CASP8: variants seen among roughly 807,000 people sequenced by gnomAD.
CASP8 encodes caspase 8, also known as caspase-8.
In CASP8, 24 loss-of-function variants were observed where a neutral mutation model predicts 46.3. The observed-to-expected ratio is 0.52, with a 90% CI of 0.38 to 0.73. The LOEUF is 0.73. Ranked by LOEUF, CASP8 falls within the 30% of genes least tolerant of loss-of-function variation. The probability of loss-of-function intolerance (pLI) is 0.00; values close to 1 mark genes in which losing one functional copy is unlikely to be tolerated. For synonymous variants in CASP8, 188 were observed against 200.4 expected (o/e 0.94, Z 0.52); for missense variants, 460 against 559.0 (o/e 0.82, Z 1.79).
chr2:201,284,790 G>T, intron 7 of CASP8, 26 bp from the exon 8 acceptor site: 1 of 1,602,442 alleles, frequency 6.2e-7, no homozygotes, highest in Non-Finnish European at 8.5e-7. Context: ...GTGGTATAAC[G>T]TGACTGTTCA....
At position 201,287,187 on chromosome 2, in the gene CASP8, CTAT is replaced by C. The variant is rs1181549507; in HGVS notation, c.*596_*598del. 4 of 155,610 alleles carry C rather than the reference CTAT, an allele frequency of 2.6e-5. No homozygotes were observed. The highest frequency in any genetic ancestry group is 5.8e-5 in the Non-Finnish European group (4 of 69,280). The allele number at this position is 155,610 out of a possible 1,614,324, so 9.6% of individuals were successfully genotyped here. ...CAACTATAAGCCCACTGTTAATATT[CTAT>C]TAACTTTAATTCTCTTTCAAAGCTA... On this transcript the variant is annotated 3_prime_UTR_variant, in exon 9 of 9. Transcript: ENST00000673742.
At position 201,266,527 on chromosome 2, in the gene CASP8, T is replaced by A; in HGVS notation, c.41T>A (p.Leu14Gln). 1 of 1,614,172 alleles carries A rather than the reference T, an allele frequency of 6.2e-7. No homozygotes were observed. Among genetic ancestry groups the A allele is most frequent in the Non-Finnish European group, 8.5e-7 (1 of 1,179,972 alleles). The change falls in exon 2 of 9, where the codon CTG becomes CAG. Residue 14 changes from leucine (L) to glutamine (Q), a missense_variant. Coordinates refer to ENST00000673742, the MANE Select transcript of CASP8 (RefSeq NM_001372051.1). The surrounding 1 kb of genome is among the most constrained non-coding windows in gnomAD (Gnocchi z 5.7). ...AATCTTTATGATATTGGGGAACAAC[T>A]GGACAGTGAAGATCTGGCCTCCCTC... Reference protein sequence around the residue: ...SRNLYDIGEQLDSEDLASLKF... With the variant: ...SRNLYDIGEQQDSEDLASLKF...
chr2:201,256,518 C>CT (rs1411675195), upstream of CASP8, among the ~76,000 whole-genome samples: 1 of 152,260 alleles, frequency 6.6e-6, no homozygotes, highest in East Asian at 1.9e-4. Context: ...CAAGGACCTT[C>CT]TGCCCTTTAT....
chr2:201,233,799 A>G (rs1945923729), intron 1 of CASP8, among the ~76,000 whole-genome samples: 1 of 152,196 alleles, frequency 6.6e-6, no homozygotes, highest in South Asian at 2.1e-4. Flanking sequence ...ACTGAAGTCT[A>G]GGCTGGTTCC....
At chr2:201,267,377 A>G (rs931151316) in intron 2 of CASP8, among the ~76,000 whole-genome samples, 1 of 152,110 alleles carries the variant, frequency 6.6e-6, no homozygotes, top group African/African-American at 2.4e-5. Flanking sequence ...TGCCACACTT[A>G]AAGACTCGAA....
upstream of CASP8, chr2:201,258,386 A>T (rs1405713584): frequency 6.2e-7 from 1 of 1,613,880 alleles, no homozygotes; most frequent in Admixed American, 1.7e-5. Flanking sequence ...GGAGCGGGTG[A>T]GTGCCTGTTG....
At chr2:201,259,977 GT>G (rs546171439), upstream of CASP8, among the ~76,000 whole-genome samples, 2,884 of 136,328 alleles carry the variant, frequency 0.021, 37 homozygotes, top group African/African-American at 0.032. Context: ...TCTTTTTAGA[GT>G]TTTTTTTTTT....
chr2:201,265,493 G>A (rs535525196), intron 1 of CASP8, among the ~76,000 whole-genome samples: 3 of 152,280 alleles, frequency 2.0e-5, no homozygotes, highest in African/African-American at 7.2e-5. Flanking sequence ...ATTGATGGTG[G>A]GGTTGAATGG....
chr2:201,281,049 C>T (rs550583983), intron 7 of CASP8, among the ~76,000 whole-genome samples: 4 of 152,268 alleles, frequency 2.6e-5, no homozygotes, highest in African/African-American at 4.8e-5. Flanking sequence ...GGTGGTGGCT[C>T]ATGCCTACAA....
intron 8 of CASP8, among the ~76,000 whole-genome samples, chr2:201,285,575 G>A (rs1949519648): frequency 6.6e-6 from 1 of 152,210 alleles, no homozygotes; most frequent in African/African-American, 2.4e-5. Context: ...TTTATAGATG[G>A]AAAAGCTGAG....
chr2:201,237,391 C>A (rs1016541299), intron 2 of CASP8, among the ~76,000 whole-genome samples: 1 of 148,284 alleles, frequency 6.7e-6, no homozygotes, highest in Admixed American at 6.7e-5. Flanking sequence ...TTGTCCAGAC[C>A]CTTTTCTCTA....
chr2:201,240,632 G>A (rs1355530602), intron 2 of CASP8: 1 of 152,170 alleles, frequency 6.6e-6, no homozygotes, highest in African/African-American at 2.4e-5. Flanking sequence ...TCAGACAGAA[G>A]ATTAATAAGG....
intron 2 of CASP8, among the ~76,000 whole-genome samples, chr2:201,247,835 A>G (rs779366720): frequency 5.9e-5 from 9 of 152,092 alleles, no homozygotes; most frequent in South Asian, 2.1e-4. Flanking sequence ...TAGTGGAGAC[A>G]GCGTTTCACT....
intron 1 of CASP8, among the ~76,000 whole-genome samples, chr2:201,263,421 C>T (rs947922807): frequency 1.3e-5 from 2 of 152,052 alleles, no homozygotes; most frequent in Admixed American, 1.3e-4. Flanking sequence ...ACTTACAATA[C>T]AAGATGTACT....
At chr2:201,256,124 C>A (rs1352509523), upstream of CASP8, among the ~76,000 whole-genome samples, 3 of 152,232 alleles carry the variant, frequency 2.0e-5, no homozygotes, top group Non-Finnish European at 2.9e-5. Flanking sequence ...TTATCTCCCA[C>A]AGTTTTGCTC....
At chr2:201,260,346 C>T (rs1462678790), upstream of CASP8, among the ~76,000 whole-genome samples, 2 of 152,204 alleles carry the variant, frequency 1.3e-5, no homozygotes, top group African/African-American at 2.4e-5. Context: ...GGCCAGTGCT[C>T]AGGTGGCCAG....
chr2:201,258,959 A>G (rs1436471614), upstream of CASP8, among the ~76,000 whole-genome samples: 1 of 150,194 alleles, frequency 6.7e-6, no homozygotes. Flanking sequence ...TTTCTTTTGT[A>G]TGTGTACACT....
At chr2:201,283,339 C>T (rs1949267030) in intron 7 of CASP8, among the ~76,000 whole-genome samples, 1 of 70,180 alleles carries the variant, frequency 1.4e-5, no homozygotes, top group African/African-American at 5.2e-5. Context: ...CCAGTAGGGG[C>T]GGCCGGGCAG....
intron 7 of CASP8, among the ~76,000 whole-genome samples, chr2:201,283,595 C>G (rs376810186): frequency 1.8e-5 from 1 of 55,804 alleles, no homozygotes; most frequent in Admixed American, 1.3e-4. Flanking sequence ...CCCTCCCGGA[C>G]GGGGCGGCTG....
Sources: allele counts gnomAD v4.1 joint callset (sites outside exome capture counted in the v4.1 genomes callset), GRCh38; gene constraint gnomAD v4.1.1; non-coding constraint Gnocchi (gnomAD v3.1); transcripts MANE v1.5; gene names NCBI Gene and HGNC (gene_info 2026-07-23, HGNC 2026-07-21).